Variants in MYO18B observed in about 807,000 individuals in gnomAD.
MYO18B encodes the protein unconventional myosin-XVIIIb.
MYO18B carries 204 observed loss-of-function variants against 273.0 expected under a neutral mutation model. The observed-to-expected ratio is 0.75, with a 90% CI of 0.67 to 0.84. The LOEUF is 0.84. Among genes scored for constraint, MYO18B ranks in the 40% least tolerant of loss-of-function variants. The pLI is 0.00. For missense variants in MYO18B, 3,212 were observed against 3,287.6 expected (o/e 0.98, Z 0.56); for synonymous variants, 1,330 against 1,305.7 (o/e 1.02, Z -0.40).
intron 40 of MYO18B, among the ~76,000 whole-genome samples, chr22:25,995,038 G>A (rs550523113): frequency 6.6e-6 from 1 of 152,262 alleles, no homozygotes; most frequent in African/African-American, 2.4e-5. Context: ...GCAAGGGACA[G>A]TGTCCATCAA....
At chr22:25,765,264 A>G (rs2086464602) in intron 3 of MYO18B, among the ~76,000 whole-genome samples, 1 of 152,228 alleles carries the variant, frequency 6.6e-6, no homozygotes, top group Non-Finnish European at 1.5e-5. Flanking sequence ...TGTTTCCACA[A>G]GGCAGCAAGC....
Position 25,947,830 on chromosome 22 carries a change from T to C in MYO18B, c.5748+2T>C. ...AAGCACAAGGACCTCATTGCTCAGGTAGTGAATGAGACCTTGGTGGAAGAA... is the reference window on the plus strand; with the variant it reads ...AAGCACAAGGACCTCATTGCTCAGGCAGTGAATGAGACCTTGGTGGAAGAA... On this transcript the variant is annotated splice_donor_variant, in intron 36 of 43. Transcript: ENST00000335473. LOFTEE classifies it high-confidence loss of function. 3 of 1,610,440 alleles carry C rather than the reference T, an allele frequency of 1.9e-6. No individual in the cohort carries two copies. Among genetic ancestry groups the C allele is most frequent in the Non-Finnish European group, 1.7e-6 (2 of 1,176,926 alleles).
At chr22:26,021,190 T>C (rs1032858631) in intron 42 of MYO18B, among the ~76,000 whole-genome samples, 1 of 152,234 alleles carries the variant, frequency 6.6e-6, no homozygotes, top group Non-Finnish European at 1.5e-5. Context: ...CTTTTAGCCT[T>C]GCAGGTTAGA....
At chr22:26,047,651 A>G in the MYO18B span, among the ~76,000 whole-genome samples, 8 of 152,234 alleles carry the variant, frequency 5.3e-5, no homozygotes, top group African/African-American at 1.9e-4. Context: ...CATAAAATGC[A>G]TATCAGATTA....
intron 17 of MYO18B, among the ~76,000 whole-genome samples, chr22:25,837,638 G>A (rs979247684): frequency 2.0e-5 from 3 of 152,194 alleles, no homozygotes; most frequent in Non-Finnish European, 2.9e-5. Flanking sequence ...ACCTCTGTCC[G>A]AGACATTCAT....
chr22:25,785,548 A>G (rs969956252), intron 11 of MYO18B, 57 bp downstream of exon 11: 159 of 1,550,796 alleles, frequency 1.0e-4, no homozygotes, highest in Non-Finnish European at 1.3e-4. Flanking sequence ...GCTAGATGGG[A>G]GGGTGATGAG....
chr22:26,023,055 G>A (rs138204468), intron 42 of MYO18B, among the ~76,000 whole-genome samples: 3 of 152,166 alleles, frequency 2.0e-5, no homozygotes, highest in African/African-American at 4.8e-5. Context: ...CTTAGTTGCC[G>A]GCCTGAAAGG....
intron 20 of MYO18B, 128 bp from the exon 21 acceptor site, chr22:25,851,342 C>T (rs1167549621): frequency 4.6e-6 from 3 of 650,772 alleles, no homozygotes; most frequent in Non-Finnish European, 8.3e-6. Flanking sequence ...AGAGATGAGT[C>T]CATGCAGCAA....
At chr22:25,933,860 G>A (rs2092543265) in intron 34 of MYO18B, among the ~76,000 whole-genome samples, 4 of 152,154 alleles carry the variant, frequency 2.6e-5, no homozygotes, top group Non-Finnish European at 5.9e-5. Context: ...TAGAAGTGTG[G>A]TATCTCTGGG....
chr22:25,868,566 A>C (rs2090957788), intron 22 of MYO18B, among the ~76,000 whole-genome samples, 181 bp downstream of exon 22: 1 of 152,204 alleles, frequency 6.6e-6, no homozygotes, highest in Non-Finnish European at 1.5e-5. Context: ...ACAATGTCAT[A>C]ATATGAGTTG....
intron 12 of MYO18B, among the ~76,000 whole-genome samples, chr22:25,799,931 G>A (rs57240776): frequency 0.045 from 6,813 of 150,902 alleles, 366 homozygotes; most frequent in African/African-American, 0.11. Flanking sequence ...CAATCTAAGT[G>A]CCCATCCACC....
Position 25,883,106 on chromosome 22 carries a change from C to T in MYO18B, c.4314+5058C>T, listed in dbSNP as rs2091392833. ...AGAGATGGGGGTCTCACTTTGTTGC[C>T]CAGGTTGGTCTCCAATTCCTGGGCT... On this transcript the variant is annotated intron_variant, in intron 25 of 43. Transcript: ENST00000335473. This position sits in a 1 kb window ranked among gnomAD's most constrained non-coding sequence, Gnocchi z 7.6. 6.6e-6 allele frequency among the ~76,000 whole-genome samples: 1 copy of T among 152,062 alleles called. No individual in the cohort carries two copies. The highest frequency in any genetic ancestry group is 2.1e-4 in the South Asian group (1 of 4,798).
chr22:25,814,403 T>G (rs1386971613), intron 12 of MYO18B, among the ~76,000 whole-genome samples: 1 of 140,700 alleles, frequency 7.1e-6, no homozygotes. Context: ...CTCTGCAACC[T>G]CTGCCTCCCA....
intron 26 of MYO18B, 51 bp downstream of exon 26, chr22:25,890,926 G>A: frequency 6.3e-7 from 1 of 1,591,318 alleles, no homozygotes; most frequent in Non-Finnish European, 8.6e-7. Context: ...GCTAAAAATG[G>A]TTGGGTCTGC....
intron 10 of MYO18B, among the ~76,000 whole-genome samples, chr22:25,782,318 G>A (rs2087198106): frequency 6.6e-6 from 1 of 152,238 alleles, no homozygotes; most frequent in Admixed American, 6.5e-5. Flanking sequence ...GAGAGGGACA[G>A]CAGACCCCCA....
At chr22:25,936,183 C>A (rs141146962) in intron 34 of MYO18B, among the ~76,000 whole-genome samples, 1 of 152,120 alleles carries the variant, frequency 6.6e-6, no homozygotes, top group Non-Finnish European at 1.5e-5. Context: ...TCGGGGAGGG[C>A]CTTTTTTGGA....
Position 25,780,036 on chromosome 22 carries a change from C to T in MYO18B, c.2069-20C>T. On this transcript the variant is annotated intron_variant, in intron 8 of 43. Coordinates refer to ENST00000335473, the MANE Select transcript of MYO18B (RefSeq NM_032608.7). ...CACCTGGGCCATCAGTGACATGTGG[C>T]CCCATGCTGCCCCCAACAGTGGAGA... 3 of 1,564,978 alleles carry T rather than the reference C, an allele frequency of 1.9e-6. No homozygotes were observed. The highest frequency in any genetic ancestry group is 2.6e-6 in the Non-Finnish European group (3 of 1,157,208).
intron 15 of MYO18B, among the ~76,000 whole-genome samples, chr22:25,832,607 G>T (rs2089749603): frequency 6.6e-6 from 1 of 152,144 alleles, no homozygotes; most frequent in African/African-American, 2.4e-5. Context: ...GATGCTGGGG[G>T]AGAAGGAAAT....
At chr22:25,825,127 T>C (rs961341669) in intron 13 of MYO18B, among the ~76,000 whole-genome samples, 1 of 152,066 alleles carries the variant, frequency 6.6e-6, no homozygotes. Context: ...TACTTAAGGA[T>C]GGGTGCATCA....
Sources: allele counts gnomAD v4.1 joint callset (sites outside exome capture counted in the v4.1 genomes callset), GRCh38; gene constraint gnomAD v4.1.1; non-coding constraint Gnocchi (gnomAD v3.1); transcripts MANE v1.5; gene names NCBI Gene and HGNC (gene_info 2026-07-23, HGNC 2026-07-21).